Variants in EHD4 observed in about 807,000 individuals in gnomAD.
EHD4 encodes the protein EH domain-containing protein 4.
A neutral mutation model predicts 51.0 loss-of-function variants in EHD4; 37 were observed. The ratio of observed to expected loss-of-function variants is 0.73; its 90% CI spans 0.56 to 0.95. The LOEUF is 0.95. Among genes scored for constraint, EHD4 ranks in the 40% least tolerant of loss-of-function variants. The pLI is 0.00. For synonymous variants in EHD4, 297 were observed against 317.3 expected, an observed-to-expected ratio of 0.94 and a Z score of 0.68; for missense variants, 632 against 733.1, an observed-to-expected ratio of 0.86 and a Z score of 1.59.
rs759389891 is a variant in EHD4 at position 41,972,211 on chromosome 15, G to C, written c.236+48C>G. On this transcript the variant is annotated intron_variant, in intron 1 of 5. Coordinates refer to ENST00000220325, the MANE Select transcript of EHD4 (RefSeq NM_139265.4). ...AGGCGGCCGACTGCGGCGCACACGT[G>C]GGGAGGGCGGAGCGGGGCGGGAGCC... is the stretch of plus-strand genomic sequence containing the variant. 71 of 1,451,136 alleles carry C rather than the reference G, an allele frequency of 4.9e-5. 1 individual carries two copies. The South Asian group carries it at 9.0e-4, about 18-fold the overall frequency. 89.9% of individuals were successfully genotyped at this position (1,451,136 alleles called of 1,614,324 possible).
chr15:41,917,515 A>G (rs1299784256), intron 4 of EHD4, among the ~76,000 whole-genome samples: 1 of 152,218 alleles, frequency 6.6e-6, no homozygotes, highest in Non-Finnish European at 1.5e-5. Context: ...ATGAGCATTT[A>G]AAAATAGTTT....
intron 1 of EHD4, among the ~76,000 whole-genome samples, chr15:41,956,203 T>A (rs1477257859): frequency 2.0e-5 from 3 of 152,214 alleles, no homozygotes; most frequent in African/African-American, 7.2e-5. Flanking sequence ...ATTAAAGGGA[T>A]GAACCAGACG....
At chr15:41,968,553 G>A (rs2067976464) in intron 1 of EHD4, among the ~76,000 whole-genome samples, 1 of 148,940 alleles carries the variant, frequency 6.7e-6, no homozygotes, top group Non-Finnish European at 1.5e-5. Flanking sequence ...GTCTCCCAAA[G>A]TGTTAGGATT....
intron 2 of EHD4, among the ~76,000 whole-genome samples, chr15:41,948,369 G>T (rs1317926709): frequency 6.6e-6 from 1 of 152,020 alleles, no homozygotes; most frequent in Non-Finnish European, 1.5e-5. Context: ...TGTTGCCCAG[G>T]TTGGTCTCAA....
chr15:41,962,454 T>A (rs2067930270), intron 1 of EHD4, among the ~76,000 whole-genome samples: 1 of 151,152 alleles, frequency 6.6e-6, no homozygotes, highest in African/African-American at 2.4e-5. Flanking sequence ...AGACTCAATA[T>A]AGTATTTAAT....
chr15:41,936,385 C>G (rs1049783386), intron 3 of EHD4, among the ~76,000 whole-genome samples: 1 of 152,156 alleles, frequency 6.6e-6, no homozygotes, highest in African/African-American at 2.4e-5. Flanking sequence ...CCTCACAGAG[C>G]TTTTGTGAGG....
At chr15:41,917,067 G>A (rs189420086) in intron 4 of EHD4, among the ~76,000 whole-genome samples, 5 of 152,080 alleles carry the variant, frequency 3.3e-5, no homozygotes, top group East Asian at 3.9e-4. Flanking sequence ...GGGTTAAGGC[G>A]CTTGGCATTT....
intron 3 of EHD4, chr15:41,921,294 C>CAAAGG (rs2067623655): frequency 6.6e-6 from 1 of 152,224 alleles, no homozygotes; most frequent in Non-Finnish European, 1.5e-5. Context: ...ATAAGGAAGA[C>CAAAGG]AAAGGCAGTT....
intron 2 of EHD4, 36 bp from the exon 3 acceptor site, chr15:41,943,200 G>A: frequency 6.6e-7 from 1 of 1,523,204 alleles, no homozygotes; most frequent in East Asian, 2.4e-5. Flanking sequence ...GTCAGAAACT[G>A]GGCATCACAG....
At chr15:41,958,239 C>T (rs1272921039) in intron 1 of EHD4, among the ~76,000 whole-genome samples, 3 of 151,894 alleles carry the variant, frequency 2.0e-5, no homozygotes, top group Admixed American at 1.3e-4. Context: ...CCTGTGTTCT[C>T]GGAGAGGCCT....
chr15:41,969,183 C>T (rs1278103227), intron 1 of EHD4, among the ~76,000 whole-genome samples: 2 of 151,950 alleles, frequency 1.3e-5, no homozygotes, highest in South Asian at 2.1e-4. Context: ...CCTCTTTTTT[C>T]CTCATTAGAA....
rs998683722 is a variant in EHD4, at chr15:41,960,343, T to G, written c.237-6403A>C. Among the ~76,000 whole-genome samples the G allele has an allele frequency of 1.3e-5, 2 of 152,336 alleles. 1 individual carries two copies. Among genetic ancestry groups the G allele is most frequent in the South Asian group, 4.1e-4 (2 of 4,820 alleles). ...ACTACTTTTAACATTTTGATGTATT[T>G]CCATCCCATCATTTTTCAGTAAATG... On this transcript the variant is annotated intron_variant, in intron 1 of 5. Transcript: ENST00000220325.
chr15:41,919,172 C>A (rs2067605505), intron 4 of EHD4, 38 bp downstream of exon 4: 1 of 1,610,524 alleles, frequency 6.2e-7, no homozygotes, highest in South Asian at 1.1e-5. Flanking sequence ...AGCAGAGTCC[C>A]AGCCCCTGGC....
chr15:41,971,779 A>T (rs1342791809), intron 1 of EHD4, among the ~76,000 whole-genome samples: 3 of 152,168 alleles, frequency 2.0e-5, no homozygotes, highest in Non-Finnish European at 4.4e-5. Context: ...ACCTCAAGGG[A>T]AGGGGGCCTG....
chr15:41,904,365 C>A (rs911528528), intron 5 of EHD4, among the ~76,000 whole-genome samples: 1 of 152,136 alleles, frequency 6.6e-6, no homozygotes, highest in South Asian at 2.1e-4. Flanking sequence ...TGTGGTCCCC[C>A]CCAGGCTTGA....
chr15:41,949,640 T>A (rs1232268726), intron 2 of EHD4, among the ~76,000 whole-genome samples: 1 of 152,092 alleles, frequency 6.6e-6, no homozygotes, highest in Non-Finnish European at 1.5e-5. Flanking sequence ...CCAGGGCCAG[T>A]GATTCAAGTT....
intron 3 of EHD4, among the ~76,000 whole-genome samples, chr15:41,932,305 G>A (rs374896506): frequency 4.6e-5 from 7 of 152,332 alleles, no homozygotes; most frequent in South Asian, 2.1e-4. Context: ...GTGAGTGGGC[G>A]GGTGAGCTGG....
intron 1 of EHD4, among the ~76,000 whole-genome samples, chr15:41,968,156 T>C (rs2067972825): frequency 6.6e-6 from 1 of 152,198 alleles, no homozygotes; most frequent in Admixed American, 6.5e-5. Flanking sequence ...AAGGCACTTT[T>C]ACCTTCTCAG....
At chr15:41,907,336 C>T (rs368754547) in intron 5 of EHD4, among the ~76,000 whole-genome samples, 19 of 152,332 alleles carry the variant, frequency 1.2e-4, no homozygotes, top group African/African-American at 4.6e-4. Context: ...TGTCTTACTC[C>T]TTGGTCATGG....
Sources: gnomAD v4.1 joint callset for allele counts (sites outside exome capture counted in the v4.1 genomes callset) on GRCh38, gnomAD v4.1.1 for gene constraint, MANE v1.5 for transcripts, NCBI Gene and HGNC (gene_info 2026-07-23, HGNC 2026-07-21) for gene names.